LASP1: variants seen among roughly 807,000 people sequenced by gnomAD.
LASP1 encodes LIM and SH3 domain protein 1.
A neutral mutation model predicts 38.6 loss-of-function variants in LASP1; 10 were observed. The observed-to-expected ratio is 0.26, with a 90% CI of 0.16 to 0.44. The LOEUF (loss-of-function observed/expected upper bound fraction) is 0.44. Among genes scored for constraint, LASP1 ranks in the 20% least tolerant of loss-of-function variants. The probability of loss-of-function intolerance (pLI) is 1.00; values close to 1 mark genes in which losing one functional copy is unlikely to be tolerated. For missense variants in LASP1, 243 were observed against 375.7 expected, an observed-to-expected ratio of 0.65 and a Z score of 2.92; for synonymous variants, 132 against 140.8, an observed-to-expected ratio of 0.94 and a Z score of 0.44.
At chr17:38,895,611 T>C (rs1598112832) in intron 3 of LASP1, among the ~76,000 whole-genome samples, 1 of 152,282 alleles carries the variant, frequency 6.6e-6, no homozygotes, top group African/African-American at 2.4e-5. Flanking sequence ...CCACCGTGCC[T>C]GGCATAATTT....
At chr17:38,905,333 C>G (rs1257882179) in intron 4 of LASP1, among the ~76,000 whole-genome samples, 1 of 151,902 alleles carries the variant, frequency 6.6e-6, no homozygotes, top group East Asian at 1.9e-4. Context: ...TCAAGACCAT[C>G]CTGGCTAACA....
chr17:38,914,712 A>G (rs962410299), intron 5 of LASP1, among the ~76,000 whole-genome samples: 3 of 137,958 alleles, frequency 2.2e-5, no homozygotes, highest in Non-Finnish European at 3.2e-5. Context: ...ACACACACAC[A>G]CATGCACGCA....
At chr17:38,907,604 G>T (rs1450717143) in intron 4 of LASP1, among the ~76,000 whole-genome samples, 3 of 152,176 alleles carry the variant, frequency 2.0e-5, no homozygotes, top group Non-Finnish European at 4.4e-5. Flanking sequence ...GATTGTCAGG[G>T]TATGAAGAGC....
intron 1 of LASP1, among the ~76,000 whole-genome samples, chr17:38,877,656 C>G (rs1913818813): frequency 6.6e-6 from 1 of 152,052 alleles, no homozygotes; most frequent in African/African-American, 2.4e-5. Context: ...CTTCTGAGGC[C>G]TTGGTGCCAC....
intron 4 of LASP1, among the ~76,000 whole-genome samples, chr17:38,906,760 A>G (rs1914786710): frequency 6.6e-6 from 1 of 152,150 alleles, no homozygotes; most frequent in East Asian, 1.9e-4. Flanking sequence ...AACATCAGCT[A>G]GCAGAGCTTT....
intron 2 of LASP1, among the ~76,000 whole-genome samples, chr17:38,880,106 G>T (rs1406694376): frequency 6.6e-6 from 1 of 152,182 alleles, no homozygotes. Context: ...CCTCCATTGG[G>T]TAGTGGGGTG....
intron 6 of LASP1, among the ~76,000 whole-genome samples, chr17:38,917,769 A>T (rs1192228029): frequency 2.0e-5 from 3 of 151,822 alleles, no homozygotes; most frequent in African/African-American, 7.3e-5. Context: ...AGCTCACTGC[A>T]GCCTTAACCT....
At chr17:38,894,486 T>A (rs1031162726) in intron 3 of LASP1, among the ~76,000 whole-genome samples, 2 of 152,138 alleles carry the variant, frequency 1.3e-5, no homozygotes, top group African/African-American at 4.8e-5. Context: ...GCACAGTGCC[T>A]TCGTCTGAAT....
rs1336288392 is a variant in LASP1 at position 38,903,341 on chromosome 17, G to A, written c.357+4822G>A. Among the ~76,000 whole-genome samples the A allele has an allele frequency of 3.3e-5, 5 of 152,138 alleles. No homozygotes were observed. The East Asian group carries it at 9.7e-4, about 29-fold the overall frequency. On this transcript the variant is annotated intron_variant, in intron 4 of 6. Transcript: ENST00000318008. The stretch of plus-strand genomic sequence containing the variant: ...GTTGCAAGGAACATGCCAAGTGCTT[G>A]GCATGGGATAAATGATATCACTCTT...
rs144316428 is a variant in LASP1, at chr17:38,871,938, G to A, written c.69+1680G>A. Among the ~76,000 whole-genome samples the A allele has an allele frequency of 3.0e-4, 45 of 152,194 alleles. No homozygotes were observed. The South Asian group carries it at 4.4e-3, about 15-fold the overall frequency. ...ACCTGTCCTTGCACACTGGGGTTTCGCCCGCCCCTCGTGGCAGAGATTTTG... is the reference window on the plus strand; with the variant it reads ...ACCTGTCCTTGCACACTGGGGTTTCACCCGCCCCTCGTGGCAGAGATTTTG... On this transcript the variant is annotated intron_variant, in intron 1 of 6. Transcript: ENST00000318008.
intron 4 of LASP1, among the ~76,000 whole-genome samples, chr17:38,902,148 A>G (rs529881288): frequency 6.6e-6 from 1 of 151,920 alleles, no homozygotes; most frequent in East Asian, 1.9e-4. Context: ...TGCAGCCTGA[A>G]TCTTCTGGGA....
At position 38,897,080 on chromosome 17, in the gene LASP1, T is replaced by TG. The variant is rs545635185; in HGVS notation, c.250-1330dup. On this transcript the variant is annotated intron_variant, in intron 3 of 6. Transcript: ENST00000318008. ...GGAAGAGCTGGTGCTAGGCAGGTTCTGGACTCTTGGGGTGGGTTGGTGCCT... is the reference window on the plus strand; with the variant it reads ...GGAAGAGCTGGTGCTAGGCAGGTTCTGGGACTCTTGGGGTGGGTTGGTGCCT... 71 of 985,666 alleles carry TG rather than the reference T, an allele frequency of 7.2e-5. 1 individual carries two copies. In the South Asian group the frequency reaches 3.1e-3, roughly 44 times the overall value. 61.1% of individuals were successfully genotyped at this position (985,666 alleles called of 1,614,324 possible). A position where few individuals can be genotyped will look rare whatever the true frequency, so the allele number is the denominator to read the frequency against.
chr17:38,913,239 A>G (rs1374636456), intron 4 of LASP1, among the ~76,000 whole-genome samples: 2 of 152,180 alleles, frequency 1.3e-5, no homozygotes, highest in Non-Finnish European at 2.9e-5. Flanking sequence ...GGAGCCTCAC[A>G]TGCCCGCCTA....
intron 1 of LASP1, among the ~76,000 whole-genome samples, chr17:38,871,019 T>A (rs1470810177): frequency 1.3e-5 from 2 of 151,978 alleles, no homozygotes; most frequent in Non-Finnish European, 2.9e-5. Context: ...AGCTGAGATC[T>A]CCTGAAATTG....
intron 4 of LASP1, among the ~76,000 whole-genome samples, chr17:38,905,159 G>A (rs887226847): frequency 3.3e-5 from 5 of 152,068 alleles, no homozygotes; most frequent in African/African-American, 1.2e-4. Context: ...CATTTGTACT[G>A]TTTCCAGTTG....
In LASP1 at chr17:38,920,909, G is replaced by C. The variant is rs1239143480; in HGVS notation, c.*2131G>C. The C allele has an allele frequency of 1.3e-5, 3 of 232,602 alleles. No individual in the cohort carries two copies. Among genetic ancestry groups the C allele is most frequent in the Non-Finnish European group, 2.6e-5 (3 of 117,420 alleles). The allele number at this position is 232,602 out of a possible 1,614,324, so 14.4% of individuals were successfully genotyped here. ...AGGTCAGGGACACATCCCCTTAGAGGACCTGAGTTTGGGAGAGTGGTGAGT... is the reference window on the plus strand; with the variant it reads ...AGGTCAGGGACACATCCCCTTAGAGCACCTGAGTTTGGGAGAGTGGTGAGT... On this transcript the variant is annotated 3_prime_UTR_variant, in exon 7 of 7. Transcript: ENST00000318008.
chr17:38,918,010 C>G lies in LASP1; in HGVS notation c.613-595C>G, dbSNP rs1476445785. Among the ~76,000 whole-genome samples, 1 of 151,928 alleles carries G rather than the reference C, an allele frequency of 6.6e-6. No homozygotes were observed. The highest frequency in any genetic ancestry group is 1.5e-5 in the Non-Finnish European group (1 of 67,986). On this transcript the variant is annotated intron_variant, in intron 6 of 6. Transcript: ENST00000318008. The surrounding 1 kb of genome is among the most constrained non-coding windows in gnomAD (Gnocchi z 4.4). ...CAAAAATTAGCCGGGCATGGTGGTA[C>G]ACGCTTATAGTCCCAGCTACTTGGG...
chr17:38,914,735 A>C (rs523145), intron 5 of LASP1, among the ~76,000 whole-genome samples: 4 of 151,234 alleles, frequency 2.6e-5, no homozygotes, highest in East Asian at 2.0e-4. Flanking sequence ...CATGCAGGCG[A>C]GGAAAAGACT....
At chr17:38,914,579 C>A in intron 5 of LASP1, 104 bp downstream of exon 5, 1 of 1,375,296 alleles carries the variant, frequency 7.3e-7, no homozygotes, top group Non-Finnish European at 9.7e-7. Context: ...CGGAGCCTTG[C>A]TCTTAATCAA....
Sources: allele counts gnomAD v4.1 joint callset (sites outside exome capture counted in the v4.1 genomes callset), GRCh38; gene constraint gnomAD v4.1.1; non-coding constraint Gnocchi (gnomAD v3.1); transcripts MANE v1.5; gene names NCBI Gene and HGNC (gene_info 2026-07-23, HGNC 2026-07-21).